MGST1: variants seen among roughly 807,000 people sequenced by gnomAD.
MGST1 encodes microsomal glutathione S-transferase 1, also known as glutathione S-transferase 12.
Under a neutral mutation model 8.9 loss-of-function variants are expected in MGST1, and 5 were observed. The ratio of observed to expected loss-of-function variants is 0.56; its 90% confidence interval spans 0.29 to 1.19. MGST1 has a LOEUF of 1.19. Ranked by LOEUF, MGST1 falls within the 50% of genes most tolerant of loss-of-function variation. MGST1 has a pLI of 0.08. For missense variants in MGST1, 182 were observed against 187.4 expected, an observed-to-expected ratio of 0.97 and a Z score of 0.17; for synonymous variants, 54 against 67.8, an observed-to-expected ratio of 0.80 and a Z score of 1.00.
At chr12:16,552,513 T>C (rs1156865633) in intron 4 of MGST1, among the ~76,000 whole-genome samples, 1 of 152,056 alleles carries the variant, frequency 6.6e-6, no homozygotes, top group Admixed American at 6.5e-5. Flanking sequence ...AGACAAACAG[T>C]GAACCTATTT....
downstream of MGST1, among the ~76,000 whole-genome samples, chr12:16,368,033 G>C (rs186189239): frequency 6.8e-4 from 102 of 150,452 alleles, no homozygotes; most frequent in African/African-American, 2.4e-3. Flanking sequence ...GCATGTCTAT[G>C]CTGAGTTTAG....
At chr12:16,375,148 C>T (rs1157610528) in intron 3 of MGST1, among the ~76,000 whole-genome samples, 2 of 152,034 alleles carry the variant, frequency 1.3e-5, no homozygotes, top group Admixed American at 1.3e-4. Context: ...CCCAAAGTGC[C>T]GGGATTGAAG....
At chr12:16,581,246 A>T (rs1452951615) in intron 4 of MGST1, among the ~76,000 whole-genome samples, 1 of 152,148 alleles carries the variant, frequency 6.6e-6, no homozygotes, top group Non-Finnish European at 1.5e-5. Context: ...GCTCATAAGG[A>T]TGGGTTCTGG....
chr12:16,543,659 T>C (rs572305887), intron 4 of MGST1, among the ~76,000 whole-genome samples: 121 of 152,118 alleles, frequency 8.0e-4, no homozygotes, highest in Middle Eastern at 3.4e-3. Flanking sequence ...AAGTAGGTAT[T>C]ACCTCCATTT....
intron 1 of MGST1, among the ~76,000 whole-genome samples, chr12:16,394,544 T>TC (rs1565446428): frequency 3.0e-5 from 2 of 65,584 alleles, no homozygotes; most frequent in East Asian, 1.3e-3. Context: ...CTTTCTTTCT[T>TC]TCTTTCTTTC....
At chr12:16,350,884 T>G (rs1185728952) in intron 1 of MGST1, 1 of 151,564 alleles carries the variant, frequency 6.6e-6, no homozygotes, top group Admixed American at 6.6e-5. Flanking sequence ...ATTGAGAAAC[T>G]CTGTGTGAAG....
chr12:16,420,331 C>T (rs950929598), intron 1 of MGST1, among the ~76,000 whole-genome samples: 57 of 152,142 alleles, frequency 3.7e-4, no homozygotes, highest in Admixed American at 2.0e-3. Context: ...ACCTGGTACA[C>T]GTTCATAATC....
At position 16,413,971 on chromosome 12, in the gene MGST1, A is replaced by T. The variant is rs1490319667; in HGVS notation, n.779-23417A>T. Reference sequence around the variant, plus strand: ...ACTTTCTGCAAAATTTAGAAAATTCAGAATAAATATAAGTTTTGTAGAAAC... The same window carrying T: ...ACTTTCTGCAAAATTTAGAAAATTCTGAATAAATATAAGTTTTGTAGAAAC... On this transcript the variant is annotated intron_variant and non_coding_transcript_variant, in intron 1 of 1. Coordinates refer to the MGST1 transcript ENST00000359720. This position sits in a 1 kb window ranked among gnomAD's most constrained non-coding sequence, Gnocchi z 4.0. 6.6e-6 allele frequency among the ~76,000 whole-genome samples: 1 copy of T among 152,184 alleles called. No homozygotes were observed. Among genetic ancestry groups the T allele is most frequent in the African/African-American group, 2.4e-5 (1 of 41,456 alleles).
At chr12:16,375,438 T>C (rs1456843583) in intron 3 of MGST1, among the ~76,000 whole-genome samples, 1 of 152,170 alleles carries the variant, frequency 6.6e-6, no homozygotes, top group African/African-American at 2.4e-5. Flanking sequence ...ATTGATGGCA[T>C]AACCTTCCAC....
At chr12:16,399,334 G>A (rs1227505649) in intron 1 of MGST1, 19 of 1,592,770 alleles carry the variant, frequency 1.2e-5, no homozygotes, top group Middle Eastern at 2.2e-4. Context: ...TTGGAACCAC[G>A]GTTAGAGCCA....
chr12:16,380,989 C>G (rs535201479), downstream of MGST1, among the ~76,000 whole-genome samples: 1 of 152,012 alleles, frequency 6.6e-6, no homozygotes, highest in Non-Finnish European at 1.5e-5. Context: ...CTTTTCCATT[C>G]GCTTGGTAGC....
chr12:16,442,616 T>C (rs909796205), downstream of MGST1, among the ~76,000 whole-genome samples: 6 of 151,928 alleles, frequency 3.9e-5, no homozygotes, highest in African/African-American at 1.4e-4. The surrounding 1 kb of genome is among the most constrained non-coding windows in gnomAD (Gnocchi z 4.5). Flanking sequence ...AAAGATCAGC[T>C]GGGATCTGCA....
chr12:16,379,597 T>C (rs1354322824), downstream of MGST1, among the ~76,000 whole-genome samples: 2 of 152,184 alleles, frequency 1.3e-5, no homozygotes, highest in African/African-American at 2.4e-5. Flanking sequence ...AGGATACTGG[T>C]CTAAAATTCT....
chr12:16,540,641 G>A (rs144731613), intron 4 of MGST1, among the ~76,000 whole-genome samples: 38 of 152,302 alleles, frequency 2.5e-4, no homozygotes, highest in Non-Finnish European at 4.7e-4. Flanking sequence ...ATAAAAAATT[G>A]TATTTGAGGC....
At chr12:16,468,823 G>T (rs189837143) in intron 4 of MGST1, among the ~76,000 whole-genome samples, 15 of 152,346 alleles carry the variant, frequency 9.8e-5, no homozygotes, top group Admixed American at 9.8e-4. Context: ...ACACATGGCT[G>T]TCTAGCTAGG....
rs975879266 is a variant in MGST1 at position 16,576,009 on chromosome 12, C to T, written n.483-13519C>T. Among the ~76,000 whole-genome samples, 3 of 152,126 alleles carry T rather than the reference C, an allele frequency of 2.0e-5. No individual in the cohort carries two copies. The highest frequency in any genetic ancestry group is 7.2e-5 in the African/African-American group (3 of 41,412). On this transcript the variant is annotated intron_variant and non_coding_transcript_variant, in intron 4 of 4. Transcript: ENST00000538857. The surrounding 1 kb of genome is among the most constrained non-coding windows in gnomAD (Gnocchi z 4.1). Reference sequence around the variant, plus strand: ...GAATTTGCCTCCTCTTCTCAGACCCCCAAATCTAGCCCTGCCGCTGTGTTA... The same window carrying T: ...GAATTTGCCTCCTCTTCTCAGACCCTCAAATCTAGCCCTGCCGCTGTGTTA...
chr12:16,348,061 G>A (rs1344206311), intron 1 of MGST1, among the ~76,000 whole-genome samples: 2 of 152,062 alleles, frequency 1.3e-5, no homozygotes, highest in Non-Finnish European at 2.9e-5. Context: ...AGTAATGGAG[G>A]AAATGCCTGT....
Position 16,513,437 on chromosome 12 carries a change from G to A in MGST1, n.483-76091G>A. 1 of 399,874 alleles carries A rather than the reference G, an allele frequency of 2.5e-6. No individual in the cohort carries two copies. The highest frequency in any genetic ancestry group is 1.9e-5 in the South Asian group (1 of 51,718). 24.8% of individuals were successfully genotyped at this position (399,874 alleles called of 1,614,324 possible). A position where few individuals can be genotyped will look rare whatever the true frequency, so the allele number is the denominator to read the frequency against. On this transcript the variant is annotated intron_variant and non_coding_transcript_variant, in intron 4 of 4. Coordinates refer to the MGST1 transcript ENST00000538857. This position sits in a 1 kb window ranked among gnomAD's most constrained non-coding sequence, Gnocchi z 4.2. Reference sequence around the variant, plus strand: ...CTGCGTCGTCTCCGGGATCGCCGCCGCCTTCCACCCGGGCTCGCCTCTGAT... The same window carrying A: ...CTGCGTCGTCTCCGGGATCGCCGCCACCTTCCACCCGGGCTCGCCTCTGAT...
intron 1 of MGST1, among the ~76,000 whole-genome samples, chr12:16,398,446 C>A (rs1940625031): frequency 6.6e-6 from 1 of 152,060 alleles, no homozygotes; most frequent in African/African-American, 2.4e-5. Flanking sequence ...GTATTCTAGG[C>A]CCAAGGCATG....
Sources: allele counts gnomAD v4.1 joint callset (sites outside exome capture counted in the v4.1 genomes callset), GRCh38; gene constraint gnomAD v4.1.1; non-coding constraint Gnocchi (gnomAD v3.1); transcripts MANE v1.5; gene names NCBI Gene and HGNC (gene_info 2026-07-23, HGNC 2026-07-21).